The following PTPRK variants were observed in gnomAD, a reference collection of about 807,000 sequenced individuals.
The protein encoded by PTPRK is receptor-type tyrosine-protein phosphatase kappa.
In PTPRK, 75 loss-of-function variants were observed where a neutral mutation model predicts 178.0. That is an observed-to-expected ratio of 0.42 (90% CI 0.35 to 0.51). PTPRK has a LOEUF of 0.51. Ranked by LOEUF, PTPRK falls within the 20% of genes least tolerant of loss-of-function variation. PTPRK has a pLI of 0.02. For missense variants in PTPRK, 1,441 were observed against 1,797.8 expected, an observed-to-expected ratio of 0.80 and a Z score of 3.59; for synonymous variants, 637 against 620.6, an observed-to-expected ratio of 1.03 and a Z score of -0.39.
At chr6:127,995,356 T>A (rs754961390) in intron 18 of PTPRK, 106 bp downstream of exon 18, 2 of 1,527,642 alleles carry the variant, frequency 1.3e-6, no homozygotes, top group Non-Finnish European at 1.8e-6. Flanking sequence ...GTACAGTTTG[T>A]ACTTTTATAT....
At position 127,970,139 on chromosome 6, in the gene PTPRK, T is replaced by G. The variant is rs533365572; in HGVS notation, c.*88A>C. On this transcript the variant is annotated 3_prime_UTR_variant, in exon 30 of 30. Coordinates refer to ENST00000368226, the MANE Select transcript of PTPRK (RefSeq NM_002844.4). Reference sequence around the variant, plus strand: ...TCTCCCACCCCCCACATTAAAATCTTTCTGCACAAGTGTAACAGGTACAAC... The same window carrying G: ...TCTCCCACCCCCCACATTAAAATCTGTCTGCACAAGTGTAACAGGTACAAC... 5.3e-5 allele frequency: 56 copies of G among 1,053,616 alleles called. No homozygotes were observed. The South Asian group carries it at 9.0e-4, about 17-fold the overall frequency. 65.3% of individuals were successfully genotyped at this position (1,053,616 alleles called of 1,614,324 possible).
At chr6:128,256,077 A>G (rs1210788450) in intron 3 of PTPRK, among the ~76,000 whole-genome samples, 12 of 152,252 alleles carry the variant, frequency 7.9e-5, no homozygotes, top group Non-Finnish European at 1.8e-4. Context: ...TTGCTGGACT[A>G]ATATCTGACA....
intron 7 of PTPRK, among the ~76,000 whole-genome samples, chr6:128,113,937 C>T (rs1791079670): frequency 1.3e-5 from 2 of 152,018 alleles, no homozygotes; most frequent in African/African-American, 4.8e-5. Flanking sequence ...TTGAGTAAAA[C>T]TGTGATTAAT....
At chr6:128,239,612 TC>T (rs1814008919) in intron 5 of PTPRK, among the ~76,000 whole-genome samples, 1 of 152,222 alleles carries the variant, frequency 6.6e-6, no homozygotes, top group Admixed American at 6.5e-5. Context: ...AATTCATACT[TC>T]CTGAAATATT....
intron 6 of PTPRK, among the ~76,000 whole-genome samples, chr6:128,186,992 G>A (rs1430614688): frequency 2.0e-5 from 3 of 152,230 alleles, no homozygotes; most frequent in Admixed American, 1.3e-4. Flanking sequence ...TGGAAAGAAT[G>A]CTAAATTCAC....
At chr6:128,264,282 T>C (rs1159635595) in intron 3 of PTPRK, among the ~76,000 whole-genome samples, 1 of 152,110 alleles carries the variant, frequency 6.6e-6, no homozygotes, top group Non-Finnish European at 1.5e-5. Context: ...AGTTTTTCTT[T>C]AAAGAAGAAC....
chr6:128,113,580 T>G (rs774378513), intron 7 of PTPRK, among the ~76,000 whole-genome samples: 1 of 152,000 alleles, frequency 6.6e-6, no homozygotes, highest in Non-Finnish European at 1.5e-5. Flanking sequence ...AAATTTAAAG[T>G]ATATAGGAGG....
At chr6:128,415,504 G>GA (rs11373222) in intron 1 of PTPRK, among the ~76,000 whole-genome samples, 107,818 of 143,950 alleles carry the variant, frequency 0.75, 40,727 homozygotes, top group East Asian at 0.95. Context: ...TATGCAGTGA[G>GA]AAAAAAAAAA....
At chr6:127,995,425 C>T (rs1294559309) in intron 18 of PTPRK, 37 bp downstream of exon 18, 4 of 1,495,852 alleles carry the variant, frequency 2.7e-6, no homozygotes, top group Non-Finnish European at 3.7e-6. Context: ...ATATATAAGC[C>T]AATAAAGTAG....
chr6:128,374,320 A>G (rs1836714829), intron 2 of PTPRK, among the ~76,000 whole-genome samples: 1 of 152,066 alleles, frequency 6.6e-6, no homozygotes, highest in African/African-American at 2.4e-5. Flanking sequence ...ATCCAGTCTC[A>G]TGGTTTCAAA....
chr6:128,457,651 A>G (rs1848559436), intron 1 of PTPRK, among the ~76,000 whole-genome samples: 1 of 152,160 alleles, frequency 6.6e-6, no homozygotes, highest in Admixed American at 6.6e-5. Flanking sequence ...CCTCCACAAT[A>G]CTTAGCCACA....
chr6:128,310,072 C>A (rs1047380391), intron 3 of PTPRK, among the ~76,000 whole-genome samples: 2 of 152,202 alleles, frequency 1.3e-5, no homozygotes, highest in African/African-American at 4.8e-5. Context: ...TAGTGAGCTA[C>A]TCTGTCTTTA....
chr6:128,457,926 G>A (rs551772477), intron 1 of PTPRK, among the ~76,000 whole-genome samples: 137 of 152,006 alleles, frequency 9.0e-4, no homozygotes, highest in Admixed American at 1.4e-3. Context: ...TCCCCATTGC[G>A]GGCTAATTAC....
intron 3 of PTPRK, among the ~76,000 whole-genome samples, chr6:128,281,446 G>A (rs878990030): frequency 6.6e-6 from 1 of 152,102 alleles, no homozygotes; most frequent in Non-Finnish European, 1.5e-5. Flanking sequence ...AGGGGCAAAG[G>A]CTGAAGGAAG....
chr6:128,461,890 T>C (rs78582338), intron 1 of PTPRK, among the ~76,000 whole-genome samples: 75 of 152,392 alleles, frequency 4.9e-4, no homozygotes, highest in African/African-American at 1.7e-3. Context: ...ATAATGTTTG[T>C]GATTGCATTT....
chr6:128,293,143 A>G (rs1823682977), intron 3 of PTPRK, among the ~76,000 whole-genome samples: 2 of 152,152 alleles, frequency 1.3e-5, no homozygotes, highest in Admixed American at 1.3e-4. Context: ...TCAGTATAGA[A>G]TAAGTGGAGG....
intron 3 of PTPRK, among the ~76,000 whole-genome samples, chr6:128,298,220 A>C (rs1004887610): frequency 9.2e-5 from 14 of 152,286 alleles, no homozygotes; most frequent in South Asian, 4.1e-4. Context: ...CAGGCTCTGA[A>C]ATTGTGGCAA....
intron 5 of PTPRK, chr6:128,238,053 T>C (rs1218206566): frequency 2.2e-6 from 1 of 449,030 alleles, no homozygotes; most frequent in South Asian, 1.6e-5. Context: ...AGGTAATTGA[T>C]GTGGTGTTAT....
At chr6:128,016,500 C>T (rs2114743113) in intron 13 of PTPRK, among the ~76,000 whole-genome samples, 1 of 151,924 alleles carries the variant, frequency 6.6e-6, no homozygotes, top group Admixed American at 6.6e-5. Context: ...AGAGATCTTC[C>T]TGTTTTTGTC....
Sources: allele counts gnomAD v4.1 joint callset (sites outside exome capture counted in the v4.1 genomes callset), GRCh38; gene constraint gnomAD v4.1.1; transcripts MANE v1.5; gene names NCBI Gene and HGNC (gene_info 2026-07-23, HGNC 2026-07-21).